The following PRKG1 variants were observed in gnomAD, a reference collection of about 807,000 sequenced individuals.
The protein encoded by PRKG1 is cGMP-dependent protein kinase 1.
Under a neutral mutation model 88.1 loss-of-function variants are expected in PRKG1, and 35 were observed. The ratio of observed to expected loss-of-function variants is 0.40; its 90% CI spans 0.30 to 0.53. PRKG1 has a LOEUF of 0.53. Among genes scored for constraint, PRKG1 ranks in the 20% least tolerant of loss-of-function variants. The pLI is 0.59. For synonymous variants in PRKG1, 303 were observed against 292.5 expected, an observed-to-expected ratio of 1.04 and a Z score of -0.37; for missense variants, 540 against 839.8, an observed-to-expected ratio of 0.64 and a Z score of 4.41.
At chr10:51,036,460 G>T (rs552098839) in intron 1 of PRKG1, among the ~76,000 whole-genome samples, 1 of 152,234 alleles carries the variant, frequency 6.6e-6, no homozygotes, top group East Asian at 1.9e-4. Flanking sequence ...TGGGGTGACT[G>T]GGGGGTGCAG....
chr10:51,663,920 A>G (rs1840362209), intron 3 of PRKG1, among the ~76,000 whole-genome samples: 2 of 152,074 alleles, frequency 1.3e-5, no homozygotes. Context: ...AAAATTTAAC[A>G]TTTATGATTC....
At chr10:52,290,853 T>C (rs1357319077) in intron 17 of PRKG1, among the ~76,000 whole-genome samples, 1 of 151,872 alleles carries the variant, frequency 6.6e-6, no homozygotes, top group Non-Finnish European at 1.5e-5. Context: ...GGAAAGACCC[T>C]GTCTCTAAAA....
chr10:52,206,456 T>C (rs2132790026), intron 9 of PRKG1, among the ~76,000 whole-genome samples: 1 of 152,332 alleles, frequency 6.6e-6, no homozygotes, highest in East Asian at 1.9e-4. Context: ...TGGGAACTAG[T>C]GCAGTTGTTT....
At chr10:51,001,263 G>A (rs1842886005) in intron 1 of PRKG1, among the ~76,000 whole-genome samples, 1 of 152,190 alleles carries the variant, frequency 6.6e-6, no homozygotes, top group Non-Finnish European at 1.5e-5. Flanking sequence ...TCTCCACAGC[G>A]AGGCCTCTCA....
chr10:52,057,063 A>G (rs550956728), intron 6 of PRKG1, among the ~76,000 whole-genome samples: 1 of 152,290 alleles, frequency 6.6e-6, no homozygotes, highest in Non-Finnish European at 1.5e-5. Context: ...ATGCATTTAA[A>G]AAATGTATAA....
At position 51,649,230 on chromosome 10, in the gene PRKG1, C is replaced by T. The variant is rs1158332363; in HGVS notation, c.593-155355C>T. Among the ~76,000 whole-genome samples, 6 of 152,178 alleles carry T rather than the reference C, an allele frequency of 3.9e-5. No individual in the cohort carries two copies. In the East Asian group the frequency reaches 9.7e-4, roughly 25 times the overall value. On this transcript the variant is annotated intron_variant, in intron 3 of 17. Coordinates refer to ENST00000373980, the MANE Select transcript of PRKG1 (RefSeq NM_006258.4). ...TTTTTCAAAACCAGTAATTCGCTTT[C>T]ATTGTATGCAGAGCAAAAGGAATCC...
chr10:51,573,074 GA>G (rs1450028402), intron 3 of PRKG1, among the ~76,000 whole-genome samples: 1 of 151,772 alleles, frequency 6.6e-6, no homozygotes, highest in Non-Finnish European at 1.5e-5. Context: ...CAATCTCTAA[GA>G]GATATTCAGG....
At chr10:52,109,867 G>A (rs1222977363) in intron 7 of PRKG1, among the ~76,000 whole-genome samples, 1 of 151,892 alleles carries the variant, frequency 6.6e-6, no homozygotes, top group Non-Finnish European at 1.5e-5. Context: ...GTGTCAAAGA[G>A]CTTTACTTGA....
intron 1 of PRKG1, among the ~76,000 whole-genome samples, chr10:51,117,326 T>A (rs558466941): frequency 1.3e-5 from 2 of 152,324 alleles, no homozygotes; most frequent in East Asian, 3.9e-4. Context: ...TGGTGTTACA[T>A]TCTTGTTATA....
chr10:51,583,377 C>T (rs1589105827), intron 3 of PRKG1, among the ~76,000 whole-genome samples: 1 of 152,084 alleles, frequency 6.6e-6, no homozygotes. Flanking sequence ...ATTTCAGACT[C>T]GAATTCTGCT....
intron 5 of PRKG1, among the ~76,000 whole-genome samples, chr10:51,941,816 G>C (rs1007779049): frequency 1.3e-5 from 2 of 151,806 alleles, no homozygotes; most frequent in Admixed American, 6.6e-5. Flanking sequence ...GTATTCCATG[G>C]TGTATATGTG....
At chr10:51,134,422 T>C (rs1020100809) in intron 1 of PRKG1, among the ~76,000 whole-genome samples, 3 of 152,192 alleles carry the variant, frequency 2.0e-5, no homozygotes, top group African/African-American at 7.2e-5. Context: ...TGATCTCTTA[T>C]AGCTCAAATA....
intron 3 of PRKG1, among the ~76,000 whole-genome samples, chr10:51,741,529 G>T (rs894763859): frequency 1.7e-4 from 26 of 151,986 alleles, no homozygotes; most frequent in Non-Finnish European, 5.9e-5. Flanking sequence ...ATGAAGATGG[G>T]CATTGTTGGG....
chr10:51,389,471 C>A (rs1317920516), intron 2 of PRKG1, among the ~76,000 whole-genome samples: 1 of 152,100 alleles, frequency 6.6e-6, no homozygotes, highest in Non-Finnish European at 1.5e-5. Context: ...CTATTGATCA[C>A]CCCTAACATG....
At chr10:51,371,218 T>C (rs1842699156) in intron 2 of PRKG1, among the ~76,000 whole-genome samples, 1 of 152,044 alleles carries the variant, frequency 6.6e-6, no homozygotes, top group South Asian at 2.1e-4. Context: ...TTTAGCCTTT[T>C]TGAAACTTAC....
chr10:51,391,429 T>A (rs1837399958), intron 2 of PRKG1, among the ~76,000 whole-genome samples: 1 of 152,204 alleles, frequency 6.6e-6, no homozygotes, highest in African/African-American at 2.4e-5. Context: ...TCTCTCTATG[T>A]TTAAGTTCCT....
intron 7 of PRKG1, among the ~76,000 whole-genome samples, chr10:52,127,419 C>T (rs16927030): frequency 0.074 from 11,291 of 152,014 alleles, 681 homozygotes; most frequent in East Asian, 0.35. Flanking sequence ...TAATAGTTGA[C>T]GTCATAGTGT....
chr10:52,271,236 T>C (rs1046121119), intron 10 of PRKG1, 114 bp from the exon 11 acceptor site: 162 of 1,119,610 alleles, frequency 1.4e-4, no homozygotes, highest in Middle Eastern at 6.0e-4. Flanking sequence ...GTGTTTTGAC[T>C]TGGGAGGTGG....
intron 4 of PRKG1, among the ~76,000 whole-genome samples, chr10:51,882,842 T>A (rs1315565003): frequency 1.3e-5 from 2 of 152,212 alleles, no homozygotes; most frequent in Admixed American, 6.5e-5. Flanking sequence ...GTATGAGTAC[T>A]GGGATCTACA....
Sources: gnomAD v4.1 joint callset for allele counts (sites outside exome capture counted in the v4.1 genomes callset) on GRCh38, gnomAD v4.1.1 for gene constraint, MANE v1.5 for transcripts, NCBI Gene and HGNC (gene_info 2026-07-23, HGNC 2026-07-21) for gene names.